The following PKD1L1 variants were observed in gnomAD, a reference collection of about 807,000 sequenced individuals.
PKD1L1 encodes polycystin-1-like protein 1.
In PKD1L1, 236 loss-of-function variants were observed where a neutral mutation model predicts 323.4. That is an observed-to-expected ratio of 0.73 (90% CI 0.66 to 0.81). The LOEUF is 0.81. PKD1L1 is among the 40% of genes least tolerant of loss of function. The probability of loss-of-function intolerance (pLI) is 0.00; values close to 1 mark genes in which losing one functional copy is unlikely to be tolerated. For synonymous variants in PKD1L1, 1,344 were observed against 1,335.0 expected (o/e 1.01, Z -0.15); for missense variants, 3,320 against 3,508.0 (o/e 0.95, Z 1.35).
At chr7:47,799,899 C>T (rs539964251) in intron 54 of PKD1L1, among the ~76,000 whole-genome samples, 6 of 152,256 alleles carry the variant, frequency 3.9e-5, no homozygotes, top group African/African-American at 7.2e-5. Flanking sequence ...CAGAGCAGGT[C>T]GGAGCCTCGG....
chr7:47,817,109 C>T (rs750761553), intron 46 of PKD1L1, among the ~76,000 whole-genome samples: 51 of 152,028 alleles, frequency 3.4e-4, no homozygotes, highest in Non-Finnish European at 4.7e-4. Flanking sequence ...TGATGGTACG[C>T]GCCTGTAATC....
intron 18 of PKD1L1, among the ~76,000 whole-genome samples, chr7:47,884,908 T>A (rs1195258884): frequency 6.6e-6 from 1 of 152,186 alleles, no homozygotes; most frequent in Non-Finnish European, 1.5e-5. Flanking sequence ...TTTCTAAGAA[T>A]AACCCAGCAA....
chr7:47,899,633 ATT>A (rs199751440), intron 13 of PKD1L1, among the ~76,000 whole-genome samples: 2 of 149,278 alleles, frequency 1.3e-5, no homozygotes, highest in African/African-American at 4.9e-5. Context: ...CCCCAGAGGG[ATT>A]TTTTTTTTCC....
At chr7:47,937,741 A>C (rs2128757488) in intron 3 of PKD1L1, among the ~76,000 whole-genome samples, 1 of 152,232 alleles carries the variant, frequency 6.6e-6, no homozygotes, top group East Asian at 1.9e-4. Flanking sequence ...GATGGAGCCC[A>C]AGAGAGAACT....
rs148086331 is a variant in PKD1L1 at position 47,866,517 on chromosome 7, G to A, written c.3994C>T (p.Arg1332Cys). The change falls in exon 25 of 57, where the codon CGT (arginine) becomes TGT (cysteine). Residue 1332 changes from arginine (R) to cysteine (C), a missense_variant. Transcript: ENST00000289672. ...GCAGTTTTGTCCTCCTTAGACAAAC[G>A]ACTCAGGATTCTGGTGATCACAGTG... is the stretch of plus-strand genomic sequence containing the variant. ...YITVITRILS[R>C]LSKEDKTASC... The A allele has an allele frequency of 2.0e-4, 328 of 1,613,942 alleles. No homozygotes were observed. In the Middle Eastern group the frequency reaches 2.8e-3, roughly 14 times the overall value.
intron 14 of PKD1L1, among the ~76,000 whole-genome samples, chr7:47,896,914 C>T (rs547183105): frequency 1.2e-4 from 18 of 152,300 alleles, no homozygotes; most frequent in Non-Finnish European, 1.5e-4. Context: ...ACATCCCATC[C>T]TTCAGTCTGT....
chr7:47,833,590 A>G (rs768225699), intron 40 of PKD1L1, among the ~76,000 whole-genome samples: 1 of 151,996 alleles, frequency 6.6e-6, no homozygotes, highest in Non-Finnish European at 1.5e-5. Context: ...CAAAGCCTCC[A>G]AGTGGGGAGG....
intron 52 of PKD1L1, among the ~76,000 whole-genome samples, chr7:47,807,360 C>T (rs540602607): frequency 9.2e-5 from 14 of 152,164 alleles, no homozygotes; most frequent in African/African-American, 3.1e-4. Flanking sequence ...CCTTACACAG[C>T]GGACAGGAGC....
intron 7 of PKD1L1, among the ~76,000 whole-genome samples, chr7:47,918,275 A>G (rs1054142727): frequency 6.6e-6 from 1 of 152,196 alleles, no homozygotes; most frequent in African/African-American, 2.4e-5. Flanking sequence ...AGCACATTAT[A>G]TAATGATAAA....
intron 3 of PKD1L1, among the ~76,000 whole-genome samples, chr7:47,938,838 C>T (rs963279676): frequency 3.9e-5 from 6 of 152,182 alleles, no homozygotes; most frequent in Admixed American, 2.0e-4. Flanking sequence ...CCCTGAGCCA[C>T]GCCACAGCAT....
intron 44 of PKD1L1, among the ~76,000 whole-genome samples, chr7:47,828,805 G>C (rs1785286030): frequency 6.6e-6 from 1 of 152,178 alleles, no homozygotes; most frequent in African/African-American, 2.4e-5. Context: ...GATGAGGAGA[G>C]GCCCAGACCG....
rs148333172 is a variant in PKD1L1 at position 47,939,516 on chromosome 7, C to A, written c.285+677G>T. On this transcript the variant is annotated intron_variant, in intron 3 of 56. Transcript: ENST00000289672. ...GTTTTCACTCTTCTCTCGGACCCCA[C>A]CCACAGATGTGAGAGTCACTCCTCT... Among the ~76,000 whole-genome samples, 338 of 152,298 alleles carry A rather than the reference C, an allele frequency of 2.2e-3. 1 individual carries two copies. Among genetic ancestry groups the A allele is most frequent in the Middle Eastern group, 0.01 (3 of 294 alleles).
At chr7:47,833,349 C>T (rs556543592) in intron 40 of PKD1L1, 97 bp from the exon 41 acceptor site, 3 of 1,371,846 alleles carry the variant, frequency 2.2e-6, no homozygotes, top group East Asian at 2.5e-5. Flanking sequence ...TCTCAGAGGA[C>T]AGGCCTGGCA....
intron 8 of PKD1L1, among the ~76,000 whole-genome samples, chr7:47,910,220 C>T (rs561476093): frequency 4.9e-4 from 75 of 152,286 alleles, no homozygotes; most frequent in African/African-American, 1.8e-3. Context: ...AGGCAGATTT[C>T]ACGACCACAA....
chr7:47,942,321 C>T (rs1223300980), intron 2 of PKD1L1, among the ~76,000 whole-genome samples: 1 of 152,162 alleles, frequency 6.6e-6, no homozygotes, highest in Non-Finnish European at 1.5e-5. Flanking sequence ...AGCAGGATGT[C>T]AGGCAAACCC....
intron 56 of PKD1L1, among the ~76,000 whole-genome samples, chr7:47,791,940 GTGT>G (rs1414281213): frequency 6.6e-6 from 1 of 152,138 alleles, no homozygotes; most frequent in Non-Finnish European, 1.5e-5. Flanking sequence ...GTGTCTATTG[GTGT>G]TGATTTTTCT....
rs975855889 is a variant in PKD1L1, at chr7:47,898,148, G to A, written c.2111C>T (p.Ala704Val). The change falls in exon 14 of 57, where the codon GCA becomes GTA. Residue 704 changes from alanine (A) to valine (V), a missense_variant. Physicochemically the swap from Ala to Val is moderately conservative, Grantham distance 64. Transcript: ENST00000289672. ...ACCTTGGGAAATATCACAGAAGACT[G>A]CAGCTTCAAACGTCACTCCCAGCCT... Reference protein sequence around the residue: ...PVRLGVTFEAAVFCDISQGLS... With the variant: ...PVRLGVTFEAVVFCDISQGLS... The A allele has an allele frequency of 1.2e-6, 2 of 1,614,184 alleles. No individual in the cohort carries two copies. Among genetic ancestry groups the A allele is most frequent in the Non-Finnish European group, 1.7e-6 (2 of 1,180,022 alleles).
chr7:47,795,036 C>T (rs1438957156), intron 55 of PKD1L1, among the ~76,000 whole-genome samples: 2 of 152,144 alleles, frequency 1.3e-5, no homozygotes, highest in Non-Finnish European at 2.9e-5. Context: ...TGCCTTGTCT[C>T]AGATGACACT....
chr7:47,901,327 C>CAAAAAA (rs71699736), intron 13 of PKD1L1, among the ~76,000 whole-genome samples: 45 of 62,350 alleles, frequency 7.2e-4, no homozygotes, highest in African/African-American at 1.3e-3. Context: ...AACAGAGTCT[C>CAAAAAA]AAAAAAAAAA....
Sources: gnomAD v4.1 joint callset for allele counts (sites outside exome capture counted in the v4.1 genomes callset) on GRCh38, gnomAD v4.1.1 for gene constraint, MANE v1.5 for transcripts, NCBI Gene and HGNC (gene_info 2026-07-23, HGNC 2026-07-21) for gene names.